NCOA7: variants seen among roughly 807,000 people sequenced by gnomAD.
The protein encoded by NCOA7 is nuclear receptor coactivator 7, also known as 140 kDa estrogen receptor-associated protein.
Under a neutral mutation model 104.3 loss-of-function variants are expected in NCOA7, and 45 were observed. That is an observed-to-expected ratio of 0.43 (90% CI 0.34 to 0.55). NCOA7 has a LOEUF of 0.55. Ranked by LOEUF, NCOA7 falls within the 20% of genes least tolerant of loss-of-function variation. The pLI is 0.02. For missense variants in NCOA7, 1,041 were observed against 1,119.7 expected, an observed-to-expected ratio of 0.93 and a Z score of 1.00; for synonymous variants, 398 against 402.3, an observed-to-expected ratio of 0.99 and a Z score of 0.13.
At chr6:125,831,435 G>T (rs886928233) in intron 2 of NCOA7, among the ~76,000 whole-genome samples, 3 of 151,338 alleles carry the variant, frequency 2.0e-5, no homozygotes, top group Non-Finnish European at 4.4e-5. Flanking sequence ...CAAGCTACTC[G>T]GTGTGTCATT....
At chr6:125,823,529 G>A (rs984636325) in intron 2 of NCOA7, among the ~76,000 whole-genome samples, 2 of 152,074 alleles carry the variant, frequency 1.3e-5, no homozygotes, top group Admixed American at 6.5e-5. Context: ...TTTCTCATTT[G>A]AGTTCAGACC....
chr6:125,897,104 C>T (rs561064870), intron 10 of NCOA7, among the ~76,000 whole-genome samples: 31 of 152,294 alleles, frequency 2.0e-4, no homozygotes, highest in South Asian at 4.1e-4. Context: ...AAATGAGTAA[C>T]GTATACATGC....
chr6:125,905,939 T>A (rs1198989945), intron 10 of NCOA7, among the ~76,000 whole-genome samples: 1 of 152,006 alleles, frequency 6.6e-6, no homozygotes, highest in Non-Finnish European at 1.5e-5. Flanking sequence ...TAGCTGGGAT[T>A]TTACAGGTGT....
intron 3 of NCOA7, among the ~76,000 whole-genome samples, chr6:125,866,832 A>G (rs1056470194): frequency 6.6e-6 from 1 of 152,156 alleles, no homozygotes; most frequent in Non-Finnish European, 1.5e-5. Flanking sequence ...ACATCATTAG[A>G]GTGTGCTTAC....
At position 125,855,177 on chromosome 6, in the gene NCOA7, A is replaced by G; in HGVS notation, c.208A>G (p.Lys70Glu). The G allele has an allele frequency of 1.2e-6, 2 of 1,613,256 alleles. No homozygotes were observed. The highest frequency in any genetic ancestry group is 8.5e-7 in the Non-Finnish European group (1 of 1,179,942). The change falls in exon 3 of 16, where the codon AAG becomes GAG. Residue 70 changes from lysine to glutamate, a missense_variant. Around this residue, in one of 2 missense-constraint regions of NCOA7, gnomAD observed 914 missense variants for 942.7 expected, o/e 0.97. Coordinates refer to ENST00000392477, the MANE Select transcript of NCOA7 (RefSeq NM_181782.5). ...GGAATATATGACTGATGAGAAAAAA[A>G]AGAGAAAAAGTAATCAGTTAAAGGA... ...EEEYMTDEKK[K>E]RKSNQLKEIR...
In NCOA7 at chr6:125,929,985, A is replaced by G. The variant is rs1343972668; in HGVS notation, c.*1214A>G. The G allele has an allele frequency of 2.0e-5, 3 of 152,240 alleles. No individual in the cohort carries two copies. 9.4% of individuals were successfully genotyped at this position (152,240 alleles called of 1,614,324 possible). A position where few individuals can be genotyped will look rare whatever the true frequency, so the allele number is the denominator to read the frequency against. On this transcript the variant is annotated 3_prime_UTR_variant, in exon 16 of 16. Coordinates refer to ENST00000392477, the MANE Select transcript of NCOA7 (RefSeq NM_181782.5). ...AGAAAAAAACAATACAAAGAAATGC[A>G]TTCATATCAAAATTGGAATAGAAAG...
rs767117619 is a variant in NCOA7, at chr6:125,855,004, T to C, written c.51-16T>C. 1 of 1,556,852 alleles carries C rather than the reference T, an allele frequency of 6.4e-7. No homozygotes were observed. Among genetic ancestry groups the C allele is most frequent in the Admixed American group, 2.0e-5 (1 of 49,718 alleles). On this transcript the variant is annotated splice_polypyrimidine_tract_variant and intron_variant, in intron 2 of 15. Transcript: ENST00000392477. Reference sequence around the variant, plus strand: ...CATCTCTCCAATGTTTTTTCTTTTTTTTCCCTCTTTCCTAGACTGAAAAAG... The same window carrying C: ...CATCTCTCCAATGTTTTTTCTTTTTCTTCCCTCTTTCCTAGACTGAAAAAG...
intron 11 of NCOA7, among the ~76,000 whole-genome samples, chr6:125,915,978 G>A (rs553720842): frequency 6.6e-6 from 1 of 152,232 alleles, no homozygotes; most frequent in South Asian, 2.1e-4. Context: ...TAGCTTAAGT[G>A]CCATACAAAA....
intron 10 of NCOA7, among the ~76,000 whole-genome samples, chr6:125,902,834 G>A (rs1387704367): frequency 1.3e-5 from 2 of 152,142 alleles, no homozygotes; most frequent in Non-Finnish European, 2.9e-5. Context: ...TGTGACCTTG[G>A]GTGACTTAAT....
intron 3 of NCOA7, among the ~76,000 whole-genome samples, chr6:125,855,876 G>T (rs1244900038): frequency 6.6e-6 from 1 of 152,004 alleles, no homozygotes; most frequent in East Asian, 1.9e-4. Context: ...GTAGAGACGG[G>T]GTTTCACCAT....
chr6:125,888,021 AT>A (rs1412225561), intron 8 of NCOA7, among the ~76,000 whole-genome samples: 6 of 151,748 alleles, frequency 4.0e-5, no homozygotes, highest in Admixed American at 1.3e-4. Context: ...CTCTCTAGTC[AT>A]TTTTTTTAAA....
At chr6:125,854,044 T>A (rs896094801) in intron 2 of NCOA7, among the ~76,000 whole-genome samples, 4 of 152,182 alleles carry the variant, frequency 2.6e-5, no homozygotes, top group African/African-American at 9.7e-5. Flanking sequence ...ATTGGACATA[T>A]GCTCAAAAGG....
At chr6:125,874,861 A>G (rs1480803636) in intron 3 of NCOA7, 28 bp from the exon 4 acceptor site, 1 of 1,538,626 alleles carries the variant, frequency 6.5e-7, no homozygotes, top group Admixed American at 1.7e-5. Context: ...AAATGAAATT[A>G]TTCATTTACA....
chr6:125,816,404 T>C (rs1777593328), intron 2 of NCOA7, among the ~76,000 whole-genome samples: 1 of 152,190 alleles, frequency 6.6e-6, no homozygotes, highest in African/African-American at 2.4e-5. Context: ...TCAGAAAATA[T>C]TTTGTCCATT....
intron 3 of NCOA7, among the ~76,000 whole-genome samples, chr6:125,858,746 C>A (rs193069846): frequency 3.1e-4 from 47 of 152,252 alleles, no homozygotes; most frequent in South Asian, 2.1e-3. Context: ...TTAGATAAAA[C>A]CTCTAGGTGG....
intron 2 of NCOA7, 83 bp downstream of exon 2, chr6:125,815,487 T>C (rs994714675): frequency 3.1e-5 from 35 of 1,127,308 alleles, no homozygotes; most frequent in African/African-American, 3.1e-4. Context: ...TACTTCGCAT[T>C]TTGTGTTTTG....
intron 2 of NCOA7, among the ~76,000 whole-genome samples, chr6:125,839,131 T>C (rs942676582): frequency 1.3e-5 from 2 of 152,126 alleles, no homozygotes; most frequent in Non-Finnish European, 2.9e-5. Context: ...TGTTTGTTTG[T>C]TTTTGAGACA....
chr6:125,852,743 CT>C (rs1273231338), intron 2 of NCOA7, among the ~76,000 whole-genome samples: 1 of 152,062 alleles, frequency 6.6e-6, no homozygotes, highest in East Asian at 1.9e-4. Context: ...TTTCTGGGTT[CT>C]TTATTCTGTT....
chr6:125,818,905 TCA>T (rs1777862855), intron 2 of NCOA7: 1 of 152,356 alleles, frequency 6.6e-6, no homozygotes, highest in Non-Finnish European at 1.5e-5. Context: ...GGATAAAATG[TCA>T]GGCCAAGGGT....
Sources: allele counts gnomAD v4.1 joint callset (sites outside exome capture counted in the v4.1 genomes callset), GRCh38; gene constraint gnomAD v4.1.1; regional missense constraint gnomAD v4.1.1; transcripts MANE v1.5; gene names NCBI Gene and HGNC (gene_info 2026-07-23, HGNC 2026-07-21).